PCDH18: variants seen among roughly 807,000 people sequenced by gnomAD.
PCDH18 encodes protocadherin-18.
A neutral mutation model predicts 71.5 loss-of-function variants in PCDH18; 38 were observed. The ratio of observed to expected loss-of-function variants is 0.53; its 90% CI spans 0.41 to 0.70. PCDH18 has a LOEUF of 0.70. Among genes scored for constraint, PCDH18 ranks in the 30% least tolerant of loss-of-function variants. The pLI, the probability that PCDH18 is intolerant of heterozygous loss-of-function variation, is 0.00. For synonymous variants in PCDH18, 565 were observed against 505.4 expected (o/e 1.12, Z -1.58); for missense variants, 1,334 against 1,384.6 (o/e 0.96, Z 0.58).
At position 137,521,609 on chromosome 4, in the gene PCDH18, T is replaced by A; in HGVS notation, c.2828A>T (p.Tyr943Phe). 1 of 1,613,906 alleles carries A rather than the reference T, an allele frequency of 6.2e-7. No homozygotes were observed. Among genetic ancestry groups the A allele is most frequent in the Non-Finnish European group, 8.5e-7 (1 of 1,179,988 alleles). Residue 943 changes from tyrosine to phenylalanine, a missense_variant, in exon 4 of 4, where the codon TAT becomes TTT. By Grantham distance (22) the Tyr-to-Phe change is conservative. Around this residue, in one of 3 missense-constraint regions of PCDH18, gnomAD observed 319 missense variants for 316.3 expected, o/e 1.01. Coordinates refer to ENST00000344876, the MANE Select transcript of PCDH18 (RefSeq NM_019035.5). The stretch of plus-strand genomic sequence containing the variant: ...CCCTGGAATGAACATGTTACTCCTA[T>A]AATCAGAAGACGGTGAGGGCAGTGG... ...MPPLPSPSSD[Y>F]RSNMFIPGEE...
At chr4:137,523,262 C>G (rs2149212434) in intron 3 of PCDH18, among the ~76,000 whole-genome samples, 1 of 151,328 alleles carries the variant, frequency 6.6e-6, no homozygotes, top group African/African-American at 2.4e-5. Flanking sequence ...TTTAAATAAG[C>G]AAGAATGATT....
Position 137,530,609 on chromosome 4 carries a change from G to C in PCDH18, c.1480C>G (p.Leu494Val). 1 of 1,614,138 alleles carries C rather than the reference G, an allele frequency of 6.2e-7. No individual in the cohort carries two copies. The highest frequency in any genetic ancestry group is 8.5e-7 in the Non-Finnish European group (1 of 1,180,020). The change falls in exon 1 of 4, where the codon CTT (leucine) becomes GTT (valine). Residue 494 changes from leucine (L) to valine (V), a missense_variant. Around this residue, in one of 3 missense-constraint regions of PCDH18, gnomAD observed 1,011 missense variants for 1,048.0 expected, o/e 0.96. Transcript: ENST00000344876. Reference sequence around the variant, plus strand: ...TATGTCACTTGCCCATTTTCTCCAAGATCAGGATCTGTGGCTGTAACAGTG... The same window carrying C: ...TATGTCACTTGCCCATTTTCTCCAACATCAGGATCTGTGGCTGTAACAGTG... ...ITTVTATDPD[L>V]GENGQVTYTI...
rs750957539 is a variant in PCDH18 at position 137,529,613 on chromosome 4, G to A, written c.2476C>T (p.Pro826Ser). ...GTTTATGATCTTACCTCAACAGCAG[G>A]AGTGGCGTGGGTGAGTTCTAATGAG... ...NFSLELTHAT[P>S]AVEQVSQLLS... Residue 826 changes from proline (P) to serine (S), a missense_variant, in exon 1 of 4, where the codon CCT (proline) becomes TCT (serine). Coordinates refer to ENST00000344876, the MANE Select transcript of PCDH18 (RefSeq NM_019035.5). 3.8e-6 allele frequency: 6 copies of A among 1,598,414 alleles called. No homozygotes were observed. The South Asian group carries it at 6.8e-5, about 18-fold the overall frequency.
At chr4:137,523,663 G>A (rs1731366976) in intron 3 of PCDH18, among the ~76,000 whole-genome samples, 1 of 152,032 alleles carries the variant, frequency 6.6e-6, no homozygotes, top group Non-Finnish European at 1.5e-5. Flanking sequence ...GAAAGGAAAG[G>A]CTTGTAAGAA....
In PCDH18 at chr4:137,530,853, T is replaced by C; in HGVS notation, c.1236A>G (p.Glu412=). 4 of 1,609,512 alleles carry C rather than the reference T, an allele frequency of 2.5e-6. No individual in the cohort carries two copies. The highest frequency in any genetic ancestry group is 3.4e-6 in the Non-Finnish European group (4 of 1,177,408). The change falls in exon 1 of 4, where the codon GAA becomes GAG. Residue 412 remains glutamate (E), a synonymous_variant. Transcript: ENST00000344876. ...HGHFKLQKTY[E]NNYLILTNAT... ...CATTAGTTAAGATTAAATAATTGTT[T>C]TCATATGTCTTCTGAAGTTTAAAGT...
rs569533882 is a variant in PCDH18 at position 137,528,660 on chromosome 4, A to C, written c.2577-19T>G. On this transcript the variant is annotated intron_variant, in intron 2 of 3. Transcript: ENST00000344876. ...GGCATATCTGGAAAGATAAATCACA[A>C]AAAAAAATTACAGTTTTTACTCTTC... 1.9e-6 allele frequency: 3 copies of C among 1,612,946 alleles called. No homozygotes were observed. Among genetic ancestry groups the C allele is most frequent in the Non-Finnish European group, 2.5e-6 (3 of 1,179,188 alleles).
intron 3 of PCDH18, among the ~76,000 whole-genome samples, chr4:137,522,890 C>T (rs1731341455): frequency 6.6e-6 from 1 of 151,910 alleles, no homozygotes; most frequent in South Asian, 2.1e-4. Flanking sequence ...TACATGTTTT[C>T]TAAATAAAAC....
In PCDH18 at chr4:137,528,836, A is replaced by G; in HGVS notation, c.2488-16T>C. On this transcript the variant is annotated splice_polypyrimidine_tract_variant and intron_variant, in intron 1 of 3. Transcript: ENST00000344876. ...GAGAGACCTGCTGGAAACCAAATAG[A>G]CAGAACTGATTCCCGGAAACAAGCC... 1 of 1,570,388 alleles carries G rather than the reference A, an allele frequency of 6.4e-7. No individual in the cohort carries two copies. Among genetic ancestry groups the G allele is most frequent in the Non-Finnish European group, 8.8e-7 (1 of 1,140,620 alleles).
chr4:137,524,362 G>C (rs1365359338), intron 3 of PCDH18, among the ~76,000 whole-genome samples: 1 of 152,144 alleles, frequency 6.6e-6, no homozygotes, highest in African/African-American at 2.4e-5. Context: ...TCTGCTGCAT[G>C]TGAAGTGCAA....
chr4:137,531,862 A>G lies in PCDH18; in HGVS notation c.227T>C (p.Leu76Pro), dbSNP rs932907165. 2 of 1,613,952 alleles carry G rather than the reference A, an allele frequency of 1.2e-6. No individual in the cohort carries two copies. Among genetic ancestry groups the G allele is most frequent in the African/African-American group, 1.3e-5 (1 of 75,030 alleles). ...CCCATTATCCTCGTTTACTACAAGT[A>G]GAGGAGAATTTCCCCTCTGCATGGC... ...FRAMQRGNSPLLVVNEDNGEI... is the reference protein window; with the variant it reads ...FRAMQRGNSPPLVVNEDNGEI... The change falls in exon 1 of 4, where the codon CTA (leucine) becomes CCA (proline). Residue 76 changes from leucine (L) to proline (P), a missense_variant. By Grantham distance (98) the Leu-to-Pro change is moderately conservative. Coordinates refer to ENST00000344876, the MANE Select transcript of PCDH18 (RefSeq NM_019035.5).
At position 137,531,780 on chromosome 4, in the gene PCDH18, G is replaced by A. The variant is rs763195074; in HGVS notation, c.309C>T (p.Asn103=). The change falls in exon 1 of 4, where the codon AAC becomes AAT. Residue 103 remains asparagine (N), a synonymous_variant. Transcript: ENST00000344876. The part of the protein sequence containing the change: ...DREQLCQKNL[N]CSIEFDVITL... ...TGATCACATCAAACTCTATGGAACA[G>A]TTCAAGTTTTTCTGGCACAGTTGTT... The A allele has an allele frequency of 1.2e-6, 2 of 1,614,184 alleles. No individual in the cohort carries two copies. Among genetic ancestry groups the A allele is most frequent in the South Asian group, 2.2e-5 (2 of 91,078 alleles).
In PCDH18 at chr4:137,521,199, G is replaced by A; in HGVS notation, c.3238C>T (p.Gln1080Ter). 6.2e-7 allele frequency: 1 copy of A among 1,614,130 alleles called. No individual in the cohort carries two copies. The highest frequency in any genetic ancestry group is 8.5e-7 in the Non-Finnish European group (1 of 1,179,970). Residue 1080 changes from glutamine to a stop codon, truncating the protein, a stop_gained, in exon 4 of 4, where the codon CAG becomes TAG. Coordinates refer to ENST00000344876, the MANE Select transcript of PCDH18 (RefSeq NM_019035.5). LOFTEE classifies it high-confidence loss of function. ...GCTGGCAGCCATTTTGAAGAAGGCT[G>A]CACACTGGAGTGAGTTCCAAGTGGC... ...GPPLGTHSSVQPSSKWLPAME... is the reference protein window; with the variant it reads ...GPPLGTHSSV
rs1030930734 is a variant in PCDH18, at chr4:137,519,776, T to A, written c.*1253A>T. Reference sequence around the variant, plus strand: ...GAGTACAATCAAGATAGTGTATTATTAGAAATAACATTAATAGAAGCTTGG... The same window carrying A: ...GAGTACAATCAAGATAGTGTATTATAAGAAATAACATTAATAGAAGCTTGG... On this transcript the variant is annotated 3_prime_UTR_variant, in exon 4 of 4. Transcript: ENST00000344876. The A allele has an allele frequency of 9.2e-5, 14 of 152,522 alleles. No individual in the cohort carries two copies. Among genetic ancestry groups the A allele is most frequent in the African/African-American group, 3.4e-4 (14 of 41,448 alleles). The allele number at this position is 152,522 out of a possible 1,614,324, so 9.4% of individuals were successfully genotyped here. A position where few individuals can be genotyped will look rare whatever the true frequency, so the allele number is the denominator to read the frequency against.
Position 137,530,146 on chromosome 4 carries a change from G to C in PCDH18, c.1943C>G (p.Pro648Arg), listed in dbSNP as rs374620888. Residue 648 changes from proline (P) to arginine (R), a missense_variant, in exon 1 of 4, where the codon CCC becomes CGC. Coordinates refer to ENST00000344876, the MANE Select transcript of PCDH18 (RefSeq NM_019035.5). Reference protein sequence around the residue: ...IHTNVSMDSVPYTEWELSVII... With the variant: ...IHTNVSMDSVRYTEWELSVII... ...AACTGACAGCTCCCATTCTGTGTAG[G>C]GAACAGAATCCATGCTAACGTTGGT... The C allele has an allele frequency of 2.9e-5, 47 of 1,612,812 alleles. No homozygotes were observed. Among genetic ancestry groups the C allele is most frequent in the African/African-American group, 6.7e-5 (5 of 74,876 alleles).
rs541963730 is a variant in PCDH18, at chr4:137,532,283, A to G, written c.-195T>C. 10 of 704,090 alleles carry G rather than the reference A, an allele frequency of 1.4e-5. No individual in the cohort carries two copies. Among genetic ancestry groups the G allele is most frequent in the Non-Finnish European group, 2.1e-5 (8 of 386,116 alleles). The allele number at this position is 704,090 out of a possible 1,614,324, so 43.6% of individuals were successfully genotyped here. ...GTCACGACTTCCAGATACCTTCGGC[A>G]TGGAGTCCAGTCCTTGCGTTTGTTT... On this transcript the variant is annotated 5_prime_UTR_variant, in exon 1 of 4. The change abolishes an upstream ATG in the 5' untranslated region. Coordinates refer to ENST00000344876, the MANE Select transcript of PCDH18 (RefSeq NM_019035.5).
At position 137,519,192 on chromosome 4, in the gene PCDH18, T is replaced by C. The variant is rs1731217837; in HGVS notation, c.*1837A>G. On this transcript the variant is annotated 3_prime_UTR_variant, in exon 4 of 4. Transcript: ENST00000344876. ...TCTCCTATAAAGGAAAATGTGCCTG[T>C]TGAAAGAGGTAATATATTCTATTTA... is the stretch of plus-strand genomic sequence containing the variant. 1 of 152,146 alleles carries C rather than the reference T, an allele frequency of 6.6e-6. No individual in the cohort carries two copies. Among genetic ancestry groups the C allele is most frequent in the African/African-American group, 2.4e-5 (1 of 41,438 alleles). 9.4% of individuals were successfully genotyped at this position (152,146 alleles called of 1,614,324 possible).
In PCDH18 at chr4:137,528,832, A is replaced by G. The variant is rs1731556560; in HGVS notation, c.2488-12T>C. ...AGCTGAGAGACCTGCTGGAAACCAAATAGACAGAACTGATTCCCGGAAACA... is the reference window on the plus strand; with the variant it reads ...AGCTGAGAGACCTGCTGGAAACCAAGTAGACAGAACTGATTCCCGGAAACA... On this transcript the variant is annotated splice_polypyrimidine_tract_variant and intron_variant, in intron 1 of 3. Coordinates refer to ENST00000344876, the MANE Select transcript of PCDH18 (RefSeq NM_019035.5). 1.3e-6 allele frequency: 2 copies of G among 1,588,926 alleles called. No homozygotes were observed. Among genetic ancestry groups the G allele is most frequent in the South Asian group, 1.1e-5 (1 of 90,604 alleles).
rs928627183 is a variant in PCDH18 at position 137,518,956 on chromosome 4, C to T, written c.*2073G>A. 6.6e-6 allele frequency: 1 copy of T among 152,166 alleles called. No individual in the cohort carries two copies. Among genetic ancestry groups the T allele is most frequent in the Non-Finnish European group, 1.5e-5 (1 of 68,022 alleles). 9.4% of individuals were successfully genotyped at this position (152,166 alleles called of 1,614,324 possible). A position where few individuals can be genotyped will look rare whatever the true frequency, so the allele number is the denominator to read the frequency against. On this transcript the variant is annotated 3_prime_UTR_variant, in exon 4 of 4. Coordinates refer to ENST00000344876, the MANE Select transcript of PCDH18 (RefSeq NM_019035.5). ...GAAATATTGCATTTTATTTATTTCA[C>T]ATTATTCAAAATAGCGGTTTTCAGC... is the stretch of plus-strand genomic sequence containing the variant.
At chr4:137,523,039 C>T (rs564275769) in intron 3 of PCDH18, among the ~76,000 whole-genome samples, 1 of 152,076 alleles carries the variant, frequency 6.6e-6, no homozygotes, top group South Asian at 2.1e-4. Flanking sequence ...ATATGGACCT[C>T]AAGTTTTAAT....
Sources: gnomAD v4.1 joint callset for allele counts (sites outside exome capture counted in the v4.1 genomes callset) on GRCh38, gnomAD v4.1.1 for gene constraint, gnomAD v4.1.1 regional missense constraint, MANE v1.5 for transcripts, NCBI Gene and HGNC (gene_info 2026-07-23, HGNC 2026-07-21) for gene names.